Variants in CCDC7 observed in about 807,000 individuals in gnomAD.
CCDC7 encodes coiled-coil domain containing 7.
Under a neutral mutation model 196.9 loss-of-function variants are expected in CCDC7, and 183 were observed. The observed-to-expected ratio is 0.93, with a 90% CI of 0.82 to 1.05. The LOEUF is 1.05. Ranked by LOEUF, CCDC7 falls within the 50% of genes least tolerant of loss-of-function variation. CCDC7 has a pLI of 0.00. For missense variants in CCDC7, 1,540 were observed against 1,482.2 expected (o/e 1.04, Z -0.64); for synonymous variants, 525 against 484.6 (o/e 1.08, Z -1.10).
chr10:32,482,184 T>G (rs995544590), intron 8 of CCDC7, among the ~76,000 whole-genome samples: 3 of 126,998 alleles, frequency 2.4e-5, no homozygotes, highest in African/African-American at 7.4e-5. Flanking sequence ...ATTTATTTTA[T>G]TTTTCAGAAT....
At chr10:32,866,800 C>T (rs1029545024) in intron 41 of CCDC7, among the ~76,000 whole-genome samples, 1 of 151,290 alleles carries the variant, frequency 6.6e-6, no homozygotes, top group African/African-American at 2.4e-5. Flanking sequence ...AGTATCTGCC[C>T]CAAATTACCT....
chr10:32,548,905 T>C (rs1349644487), intron 13 of CCDC7, among the ~76,000 whole-genome samples: 1 of 152,214 alleles, frequency 6.6e-6, no homozygotes, highest in Admixed American at 6.5e-5. Flanking sequence ...AATAATGACT[T>C]CATTTTCTCT....
At chr10:32,447,542 T>A (rs2031675009), upstream of CCDC7, among the ~76,000 whole-genome samples, 1 of 152,226 alleles carries the variant, frequency 6.6e-6, no homozygotes, top group Non-Finnish European at 1.5e-5. Flanking sequence ...TCTTGGTTTC[T>A]GCATCATTTT....
chr10:32,479,503 A>C (rs868124546), intron 8 of CCDC7, among the ~76,000 whole-genome samples: 1 of 152,188 alleles, frequency 6.6e-6, no homozygotes, highest in Non-Finnish European at 1.5e-5. Context: ...GTAATACAGT[A>C]TATCACATTT....
intron 8 of CCDC7, among the ~76,000 whole-genome samples, chr10:32,479,082 G>A (rs900528566): frequency 3.6e-4 from 55 of 152,208 alleles, no homozygotes; most frequent in African/African-American, 1.3e-3. Flanking sequence ...AAATTTGTTA[G>A]CATAAGTTAT....
chr10:32,876,487 C>T, downstream of CCDC7: 1 of 1,217,178 alleles, frequency 8.2e-7, no homozygotes, highest in Non-Finnish European at 1.2e-6. Context: ...GAAAATAATA[C>T]TGACTCGTGT....
At chr10:32,827,506 A>G (rs565454806) in intron 32 of CCDC7, among the ~76,000 whole-genome samples, 1 of 152,136 alleles carries the variant, frequency 6.6e-6, no homozygotes, top group Non-Finnish European at 1.5e-5. Context: ...ATACACCATC[A>G]TGGCATTGTC....
chr10:32,520,556 A>G (rs1403737384), intron 11 of CCDC7, among the ~76,000 whole-genome samples: 1 of 151,962 alleles, frequency 6.6e-6, no homozygotes, highest in Non-Finnish European at 1.5e-5. Context: ...ACCCATTTTT[A>G]AATTGGATTA....
intron 24 of CCDC7, among the ~76,000 whole-genome samples, chr10:32,707,225 G>A (rs1388242631): frequency 6.6e-6 from 1 of 152,196 alleles, no homozygotes; most frequent in East Asian, 1.9e-4. Context: ...AGAACCACAT[G>A]ATTGTGTCAA....
downstream of CCDC7, among the ~76,000 whole-genome samples, chr10:32,879,105 T>C (rs1048347680): frequency 6.6e-6 from 1 of 152,134 alleles, no homozygotes; most frequent in African/African-American, 2.4e-5. Context: ...TGTACAGGTT[T>C]GTTACATAGT....
chr10:32,728,943 A>C, exon 27 of CCDC7: 1 of 1,610,188 alleles, frequency 6.2e-7, no homozygotes, highest in Non-Finnish European at 8.5e-7. Context: ...TTCAAAGTCA[A>C]AACTCCAAAT....
At chr10:32,524,107 T>TAA (rs2048313523) in intron 11 of CCDC7, among the ~76,000 whole-genome samples, 1 of 148,826 alleles carries the variant, frequency 6.7e-6, no homozygotes, top group African/African-American at 2.5e-5. Context: ...CTTTGTCTGG[T>TAA]GGTTTGCTTT....
intron 13 of CCDC7, among the ~76,000 whole-genome samples, chr10:32,563,897 C>T (rs2056272917): frequency 6.6e-6 from 1 of 151,896 alleles, no homozygotes; most frequent in African/African-American, 2.4e-5. Flanking sequence ...TCGCAACCTA[C>T]TTATCTGACA....
chr10:32,517,961 GT>G lies in CCDC7; in HGVS notation c.893del (p.Leu298CysfsTer2). 1 of 1,589,072 alleles carries G rather than the reference GT, an allele frequency of 6.3e-7. No homozygotes were observed. The highest frequency in any genetic ancestry group is 8.6e-7 in the Non-Finnish European group (1 of 1,169,310). ...ATTTTTCAGAGCTGTAAATGATCAA[GT>G]TTTGTTAGATGCTGTAAGTATAGTA... On this transcript the variant is annotated frameshift_variant, in exon 10 of 42. Transcript: ENST00000639629. LOFTEE classifies it high-confidence loss of function.
rs139351946 is a variant in CCDC7 at position 32,641,021 on chromosome 10, C to T, written c.2014+5863C>T. On this transcript the variant is annotated intron_variant, in intron 20 of 41. Transcript: ENST00000639629. ...GGTATGGATTTTCTGCCGAGAGATC[C>T]GCTGTTACTCTGATGGTCTTCCCTT... is the stretch of plus-strand genomic sequence containing the variant. Among the ~76,000 whole-genome samples the T allele has an allele frequency of 6.0e-3, 910 of 152,142 alleles. 11 individuals carry two copies. Among genetic ancestry groups the T allele is most frequent in the African/African-American group, 0.021 (865 of 41,520 alleles).
At chr10:32,676,859 C>G (rs1257234222) in intron 21 of CCDC7, among the ~76,000 whole-genome samples, 1 of 152,168 alleles carries the variant, frequency 6.6e-6, no homozygotes, top group Non-Finnish European at 1.5e-5. Context: ...ACCTAGCCAT[C>G]CCATTACTGG....
intron 33 of CCDC7, among the ~76,000 whole-genome samples, chr10:32,839,688 C>T (rs962823561): frequency 3.9e-5 from 6 of 151,998 alleles, no homozygotes; most frequent in African/African-American, 1.4e-4. Flanking sequence ...TACTCAACAA[C>T]TGCAGAATAT....
At chr10:32,683,518 A>G (rs60128196) in intron 21 of CCDC7, among the ~76,000 whole-genome samples, 6,611 of 152,134 alleles carry the variant, frequency 0.043, 480 homozygotes, top group African/African-American at 0.15. Context: ...GGTTTTTCTT[A>G]TTCTGTAGTT....
intron 18 of CCDC7, among the ~76,000 whole-genome samples, chr10:32,626,287 G>A (rs1383328987): frequency 6.6e-6 from 1 of 151,880 alleles, no homozygotes; most frequent in East Asian, 1.9e-4. Flanking sequence ...ATATCATTGT[G>A]GTTTTAATTT....
Sources: allele counts gnomAD v4.1 joint callset (sites outside exome capture counted in the v4.1 genomes callset), GRCh38; gene constraint gnomAD v4.1.1; transcripts MANE v1.5; gene names NCBI Gene and HGNC (gene_info 2026-07-23, HGNC 2026-07-21).